PCDHGA8: variants seen among roughly 807,000 people sequenced by gnomAD.
PCDHGA8 encodes protocadherin gamma subfamily A, 8.
A neutral mutation model predicts 59.2 loss-of-function variants in PCDHGA8; 45 were observed. That is an observed-to-expected ratio of 0.76 (90% CI 0.60 to 0.98). PCDHGA8 has a LOEUF of 0.98. Among genes scored for constraint, PCDHGA8 ranks in the 50% least tolerant of loss-of-function variants. The pLI, the probability that PCDHGA8 is intolerant of heterozygous loss-of-function variation, is 0.00. For synonymous variants in PCDHGA8, 531 were observed against 519.0 expected, an observed-to-expected ratio of 1.02 and a Z score of -0.32; for missense variants, 1,257 against 1,196.2, an observed-to-expected ratio of 1.05 and a Z score of -0.75.
intron 2 of PCDHGA8, among the ~76,000 whole-genome samples, chr5:141,496,474 T>A (rs2099769027): frequency 6.6e-6 from 1 of 152,140 alleles, no homozygotes; most frequent in African/African-American, 2.4e-5. Context: ...CTTTCCCCCA[T>A]CCTGCAACCA....
At position 141,394,561 on chromosome 5, in the gene PCDHGA8, A is replaced by ACCTGCGGAGCTACCT; in HGVS notation, c.1748_1749insCCTGCGGAGCTACCT (p.Glu583delinsAspLeuArgSerTyrLeu). 1.2e-6 allele frequency: 2 copies of ACCTGCGGAGCTACCT among 1,613,954 alleles called. No individual in the cohort carries two copies. Among genetic ancestry groups the ACCTGCGGAGCTACCT allele is most frequent in the Non-Finnish European group, 1.7e-6 (2 of 1,180,028 alleles). The stretch of plus-strand genomic sequence containing the variant: ...GTGGAGCTGGCGCCCCGCTCCGCAG[A>ACCTGCGGAGCTACCT]GCGTGGCTACCTGGTGACCAAGGTG... On this transcript the variant is annotated protein_altering_variant, in exon 1 of 4. Transcript: ENST00000398604.
intron 1 of PCDHGA8, chr5:141,426,294 CAG>C (rs555591649): frequency 1.2e-4 from 20 of 167,070 alleles, no homozygotes; most frequent in African/African-American, 4.5e-4. Context: ...GGATGGGAAA[CAG>C]GGTGAAGCAG....
At position 141,415,070 on chromosome 5, in the gene PCDHGA8, C is replaced by G. The variant is rs538474552; in HGVS notation, c.2424+19833C>G. ...GGGGAGCACACGGGCGAGGTGCGCACGGCGCGAGCCCTGCTGGACAGAGAC... is the reference window on the plus strand; with the variant it reads ...GGGGAGCACACGGGCGAGGTGCGCAGGGCGCGAGCCCTGCTGGACAGAGAC... On this transcript the variant is annotated intron_variant, in intron 1 of 3. Coordinates refer to ENST00000398604, the MANE Select transcript of PCDHGA8 (RefSeq NM_032088.2). 26 of 1,613,284 alleles carry G rather than the reference C, an allele frequency of 1.6e-5. No homozygotes were observed. The Middle Eastern group carries it at 1.5e-3, about 92-fold the overall frequency.
chr5:141,491,152 G>A lies in PCDHGA8; in HGVS notation c.2425-3655G>A. 1 of 1,614,168 alleles carries A rather than the reference G, an allele frequency of 6.2e-7. No homozygotes were observed. The highest frequency in any genetic ancestry group is 8.5e-7 in the Non-Finnish European group (1 of 1,179,990). On this transcript the variant is annotated intron_variant, in intron 1 of 3. Transcript: ENST00000398604. The surrounding 1 kb of genome is among the most constrained non-coding windows in gnomAD (Gnocchi z 6.9). ...CACAGCCCGGGCCTTACTGGAGGAT[G>A]ACTCTGACACCCAGCAGGTGGTGGT...
intron 1 of PCDHGA8, chr5:141,427,369 C>T (rs1333238163): frequency 4.4e-6 from 2 of 457,834 alleles, no homozygotes; most frequent in Non-Finnish European, 8.8e-6. Flanking sequence ...GAACCCTGGA[C>T]GGTGATCACT....
chr5:141,487,889 T>C lies in PCDHGA8; in HGVS notation c.2425-6918T>C, dbSNP rs984668596. On this transcript the variant is annotated intron_variant, in intron 1 of 3. Transcript: ENST00000398604. The surrounding 1 kb of genome is among the most constrained non-coding windows in gnomAD (Gnocchi z 5.0). ...CAAGAGCCAGGCTGTTGTGGAAGCA[T>C]GATGATGGAATGTGGGAGCACAGGA... 6.7e-6 allele frequency: 5 copies of C among 747,180 alleles called. No homozygotes were observed. The highest frequency in any genetic ancestry group is 1.1e-5 in the Non-Finnish European group (5 of 464,054). The allele number at this position is 747,180 out of a possible 1,614,324, so 46.3% of individuals were successfully genotyped here. A position where few individuals can be genotyped will look rare whatever the true frequency, so the allele number is the denominator to read the frequency against.
In PCDHGA8 at chr5:141,490,390, G is replaced by C. The variant is rs2099699651; in HGVS notation, c.2425-4417G>C. The C allele has an allele frequency of 6.2e-7, 1 of 1,614,074 alleles. No individual in the cohort carries two copies. The highest frequency in any genetic ancestry group is 8.5e-7 in the Non-Finnish European group (1 of 1,180,040). On this transcript the variant is annotated intron_variant, in intron 1 of 3. Coordinates refer to ENST00000398604, the MANE Select transcript of PCDHGA8 (RefSeq NM_032088.2). This position sits in a 1 kb window ranked among gnomAD's most constrained non-coding sequence, Gnocchi z 5.4. ...AGACCGGGACTCAGGTAGAAATGGT[G>C]AAGTGAGCCTTGATATCTCTCCGGA... is the stretch of plus-strand genomic sequence containing the variant.
intron 1 of PCDHGA8, among the ~76,000 whole-genome samples, chr5:141,446,827 C>A (rs922071842): frequency 6.6e-6 from 1 of 152,114 alleles, no homozygotes; most frequent in Non-Finnish European, 1.5e-5. Context: ...TGGGTAGATC[C>A]TTATAAGGCT....
At position 141,410,013 on chromosome 5, in the gene PCDHGA8, T is replaced by A. The variant is rs770463619; in HGVS notation, c.2424+14776T>A. On this transcript the variant is annotated intron_variant, in intron 1 of 3. Coordinates refer to ENST00000398604, the MANE Select transcript of PCDHGA8 (RefSeq NM_032088.2). ...GCCGACTCGGGACACAACGCCTGGC[T>A]GTCCTACCACGTGCTGCAGGCCAGT... 1 of 1,613,296 alleles carries A rather than the reference T, an allele frequency of 6.2e-7. No individual in the cohort carries two copies. Among genetic ancestry groups the A allele is most frequent in the East Asian group, 2.2e-5 (1 of 44,870 alleles).
chr5:141,395,327 AAAT>A (rs760723981), intron 1 of PCDHGA8, 90 bp downstream of exon 1: 2 of 1,469,018 alleles, frequency 1.4e-6, no homozygotes, highest in Non-Finnish European at 1.8e-6. Flanking sequence ...AGATAGTTGA[AAAT>A]AATTTTTAAG....
intron 1 of PCDHGA8, chr5:141,403,391 G>GT (rs2154533404): frequency 1.2e-6 from 2 of 1,614,046 alleles, no homozygotes; most frequent in Admixed American, 3.3e-5. Flanking sequence ...CGAAATCGCG[G>GT]TTCCTGGAGC....
intron 1 of PCDHGA8, among the ~76,000 whole-genome samples, chr5:141,466,449 T>C (rs2154569205): frequency 6.6e-6 from 1 of 152,358 alleles, no homozygotes; most frequent in Admixed American, 6.5e-5. Flanking sequence ...ATGTCTATGG[T>C]GTTGGCTATT....
At chr5:141,479,366 T>A (rs2099494042) in intron 1 of PCDHGA8, 1 of 152,302 alleles carries the variant, frequency 6.6e-6, no homozygotes, top group Non-Finnish European at 1.5e-5. Flanking sequence ...GTGCCTGAGG[T>A]GGGAGGATTG....
chr5:141,476,727 G>A lies in PCDHGA8; in HGVS notation c.2425-18080G>A, dbSNP rs762236731. On this transcript the variant is annotated intron_variant, in intron 1 of 3. Coordinates refer to ENST00000398604, the MANE Select transcript of PCDHGA8 (RefSeq NM_032088.2). This position sits in a 1 kb window ranked among gnomAD's most constrained non-coding sequence, Gnocchi z 7.6. ...CTGGTGTTGGAGCGCGCCCTGGACC[G>A]AGAACGGGAGCCTAGTCTCCAGTTA... 5 of 1,614,108 alleles carry A rather than the reference G, an allele frequency of 3.1e-6. No individual in the cohort carries two copies. Among genetic ancestry groups the A allele is most frequent in the Non-Finnish European group, 4.2e-6 (5 of 1,180,032 alleles).
intron 1 of PCDHGA8, chr5:141,402,863 A>C: frequency 1.2e-5 from 17 of 1,429,924 alleles, no homozygotes; most frequent in Non-Finnish European, 1.6e-5. Flanking sequence ...TCTAAGGAAA[A>C]GATCACCATA....
intron 1 of PCDHGA8, chr5:141,423,124 C>T (rs748586131): frequency 1.9e-6 from 3 of 1,613,778 alleles, no homozygotes; most frequent in Non-Finnish European, 1.7e-6. Context: ...AGCGCGGGCA[C>T]TGCTGGACAG....
Position 141,421,230 on chromosome 5 carries a change from G to A in PCDHGA8, c.2424+25993G>A, listed in dbSNP as rs530853994. 1.9e-6 allele frequency: 3 copies of A among 1,590,132 alleles called. No individual in the cohort carries two copies. The East Asian group carries it at 6.7e-5, about 36-fold the overall frequency. The stretch of plus-strand genomic sequence containing the variant: ...GGAATATCGGCTTAGAGCCTGCCAT[G>A]GCGAATCGGCTACAGCGCGGGGACC... On this transcript the variant is annotated intron_variant, in intron 1 of 3. Coordinates refer to ENST00000398604, the MANE Select transcript of PCDHGA8 (RefSeq NM_032088.2).
intron 3 of PCDHGA8, chr5:141,507,285 C>T (rs80317708): frequency 2.7e-5 from 4 of 150,212 alleles, no homozygotes; most frequent in African/African-American, 7.4e-5. Flanking sequence ...ATAAGTCAGT[C>T]TCAAATGTTG....
intron 1 of PCDHGA8, chr5:141,421,591 G>T: frequency 6.2e-7 from 1 of 1,613,874 alleles, no homozygotes; most frequent in Non-Finnish European, 8.5e-7. Context: ...CGGAGTGGAG[G>T]TGGAAATAAT....
Sources: gnomAD v4.1 joint callset for allele counts (sites outside exome capture counted in the v4.1 genomes callset) on GRCh38, gnomAD v4.1.1 for gene constraint, Gnocchi (gnomAD v3.1) non-coding constraint, MANE v1.5 for transcripts, NCBI Gene and HGNC (gene_info 2026-07-23, HGNC 2026-07-21) for gene names.